Variants in GPM6A observed in about 807,000 individuals in gnomAD.
GPM6A encodes the protein neuronal membrane glycoprotein M6-a.
In GPM6A, 7 loss-of-function variants were observed where a neutral mutation model predicts 32.1. The ratio of observed to expected loss-of-function variants is 0.22; its 90% CI spans 0.12 to 0.41. The LOEUF (loss-of-function observed/expected upper bound fraction) is 0.41. GPM6A is among the 10% of genes least tolerant of loss of function. The pLI is 1.00. For missense variants in GPM6A, 235 were observed against 347.2 expected, an observed-to-expected ratio of 0.68 and a Z score of 2.57; for synonymous variants, 130 against 123.4, an observed-to-expected ratio of 1.05 and a Z score of -0.35.
chr4:175,760,122 G>A (rs2111206985), intron 1 of GPM6A, among the ~76,000 whole-genome samples: 1 of 152,244 alleles, frequency 6.6e-6, no homozygotes, highest in South Asian at 2.1e-4. Context: ...GTTGCAGTGA[G>A]CGGAGATCAC....
At position 175,726,189 on chromosome 4, in the gene GPM6A, C is replaced by A. The variant is rs1214510471; in HGVS notation, c.38-24422G>T. Among the ~76,000 whole-genome samples the A allele has an allele frequency of 5.3e-5, 8 of 151,234 alleles. No homozygotes were observed. In the East Asian group the frequency reaches 1.6e-3, roughly 30 times the overall value. ...TTTTTTTTTGTATTTTTAGTAGAGACGGGGTTTCACCGTGTTGGCCAGAAT... is the reference window on the plus strand; with the variant it reads ...TTTTTTTTTGTATTTTTAGTAGAGAAGGGGTTTCACCGTGTTGGCCAGAAT... On this transcript the variant is annotated intron_variant, in intron 1 of 6. Transcript: ENST00000393658.
intron 1 of GPM6A, among the ~76,000 whole-genome samples, chr4:175,931,709 C>CACATATATATATATATATATATAT (rs1324269132): frequency 7.0e-5 from 9 of 129,330 alleles, no homozygotes; most frequent in African/African-American, 2.6e-4. Context: ...CACACACACA[C>CACATATATATATATATATATATAT]ATATATATAT....
intron 1 of GPM6A, among the ~76,000 whole-genome samples, chr4:175,885,139 T>G (rs1383235585): frequency 6.6e-6 from 1 of 152,182 alleles, no homozygotes; most frequent in Non-Finnish European, 1.5e-5. Context: ...CAGCCATTAA[T>G]GAGAGAATGA....
At chr4:175,967,274 C>T (rs74636223) in intron 1 of GPM6A, among the ~76,000 whole-genome samples, 1 of 152,186 alleles carries the variant, frequency 6.6e-6, no homozygotes, top group Non-Finnish European at 1.5e-5. Context: ...AACTAGGGAT[C>T]GAGGTGAACT....
At chr4:175,652,235 G>C (rs1741852323) in intron 3 of GPM6A, among the ~76,000 whole-genome samples, 1 of 152,066 alleles carries the variant, frequency 6.6e-6, no homozygotes, top group African/African-American at 2.4e-5. Flanking sequence ...TAATCCATCT[G>C]CATTATCATG....
chr4:175,725,212 A>T (rs972279998), intron 1 of GPM6A, among the ~76,000 whole-genome samples: 5 of 152,080 alleles, frequency 3.3e-5, no homozygotes, highest in Admixed American at 3.3e-4. Context: ...ACATAATAAG[A>T]GCTAAACAAA....
intron 1 of GPM6A, among the ~76,000 whole-genome samples, chr4:175,726,235 G>A (rs1024532723): frequency 1.6e-4 from 25 of 151,610 alleles, no homozygotes; most frequent in Admixed American, 2.0e-4. Flanking sequence ...TCCTGACCTC[G>A]TGATCTGCCC....
chr4:175,949,800 C>T (rs1739742177), intron 1 of GPM6A, among the ~76,000 whole-genome samples: 1 of 152,158 alleles, frequency 6.6e-6, no homozygotes, highest in Admixed American at 6.5e-5. Context: ...TTAGTACATT[C>T]CTTGAATAGA....
At chr4:175,691,208 C>T (rs79213070) in intron 2 of GPM6A, among the ~76,000 whole-genome samples, 2,191 of 152,172 alleles carry the variant, frequency 0.014, 52 homozygotes, top group South Asian at 0.11. Flanking sequence ...AATCCTCTGA[C>T]GAAGAAGTCA....
intron 1 of GPM6A, among the ~76,000 whole-genome samples, chr4:175,940,623 C>A (rs547015876): frequency 2.8e-4 from 43 of 152,110 alleles, no homozygotes; most frequent in African/African-American, 9.9e-4. Flanking sequence ...CCACGTCCCC[C>A]CGAGATGGAG....
intron 1 of GPM6A, among the ~76,000 whole-genome samples, chr4:175,715,686 C>A (rs1221220864): frequency 6.6e-6 from 1 of 151,978 alleles, no homozygotes; most frequent in Admixed American, 6.6e-5. Context: ...TAACACTTAT[C>A]ACCATGCAAT....
At chr4:175,970,087 A>G (rs956743724) in intron 1 of GPM6A, among the ~76,000 whole-genome samples, 4 of 152,224 alleles carry the variant, frequency 2.6e-5, no homozygotes, top group Non-Finnish European at 5.9e-5. Context: ...TCTCCTTTCT[A>G]AAAACATTTT....
intron 3 of GPM6A, among the ~76,000 whole-genome samples, chr4:175,673,423 A>G (rs1164814299): frequency 2.0e-5 from 3 of 152,102 alleles, no homozygotes; most frequent in East Asian, 3.9e-4. Context: ...AAAAAAAACC[A>G]TACATCAATC....
At chr4:175,705,908 A>G (rs1427000200) in intron 1 of GPM6A, among the ~76,000 whole-genome samples, 1 of 152,168 alleles carries the variant, frequency 6.6e-6, no homozygotes, top group Non-Finnish European at 1.5e-5. Context: ...AAATAGGCCC[A>G]TTAATTCTCA....
intron 3 of GPM6A, among the ~76,000 whole-genome samples, chr4:175,660,966 A>G (rs1323291586): frequency 6.6e-6 from 1 of 152,190 alleles, no homozygotes; most frequent in Non-Finnish European, 1.5e-5. Flanking sequence ...TCTAACTTTC[A>G]TTTTAAAATA....
chr4:175,672,553 A>G (rs1236583866), intron 3 of GPM6A, among the ~76,000 whole-genome samples: 2 of 152,174 alleles, frequency 1.3e-5, no homozygotes, highest in Non-Finnish European at 2.9e-5. Context: ...GTCATATTTT[A>G]TTTTTTCATC....
At chr4:175,757,783 C>A (rs766307956) in intron 1 of GPM6A, among the ~76,000 whole-genome samples, 35 of 152,052 alleles carry the variant, frequency 2.3e-4, no homozygotes, top group Non-Finnish European at 3.7e-4. Flanking sequence ...AGAGAGGGAG[C>A]AGCCCTGTAT....
chr4:175,935,198 T>C (rs572133530), intron 1 of GPM6A, among the ~76,000 whole-genome samples: 1 of 152,318 alleles, frequency 6.6e-6, no homozygotes, highest in African/African-American at 2.4e-5. Context: ...GTGTGACTCA[T>C]CAATCTGGAA....
chr4:175,957,997 A>G (rs1311628581), intron 1 of GPM6A, among the ~76,000 whole-genome samples: 1 of 152,136 alleles, frequency 6.6e-6, no homozygotes, highest in Non-Finnish European at 1.5e-5. Context: ...GGTTCAAACA[A>G]TTCTCCTGCC....
Sources: gnomAD v4.1 joint callset for allele counts (sites outside exome capture counted in the v4.1 genomes callset) on GRCh38, gnomAD v4.1.1 for gene constraint, MANE v1.5 for transcripts, NCBI Gene and HGNC (gene_info 2026-07-23, HGNC 2026-07-21) for gene names.